The following HGD variants were observed in gnomAD, a reference collection of about 807,000 sequenced individuals.
HGD encodes the protein homogentisate 1,2-dioxygenase.
In HGD, 61 loss-of-function variants were observed where a neutral mutation model predicts 60.8. The ratio of observed to expected loss-of-function variants is 1.00; its 90% CI spans 0.82 to 1.24. The LOEUF is 1.24. HGD is among the 50% of genes most tolerant of loss of function. The pLI is 0.00. For missense variants in HGD, 542 were observed against 547.1 expected (o/e 0.99, Z 0.09); for synonymous variants, 212 against 187.7 (o/e 1.13, Z -1.06).
At chr3:120,635,840 G>C (rs1479787328) in intron 12 of HGD, among the ~76,000 whole-genome samples, 2 of 152,114 alleles carry the variant, frequency 1.3e-5, no homozygotes, top group Non-Finnish European at 2.9e-5. Context: ...AGACCCTATA[G>C]CACAGTAGCA....
At chr3:120,659,966 G>A (rs1462947287) in intron 4 of HGD, among the ~76,000 whole-genome samples, 2 of 151,470 alleles carry the variant, frequency 1.3e-5, no homozygotes, top group African/African-American at 2.4e-5. Context: ...CATAATGGGG[G>A]TGGATTTCTC....
At chr3:120,630,882 A>ACACACACACACACACACAC (rs1553715620) in intron 13 of HGD, among the ~76,000 whole-genome samples, 1 of 147,468 alleles carries the variant, frequency 6.8e-6, no homozygotes, top group Non-Finnish European at 1.5e-5. Flanking sequence ...ACACACAGAT[A>ACACACACACACACACACAC]ATGGAATACT....
intron 3 of HGD, among the ~76,000 whole-genome samples, chr3:120,673,301 G>C (rs1246871799): frequency 6.6e-6 from 1 of 152,164 alleles, no homozygotes; most frequent in Non-Finnish European, 1.5e-5. Context: ...AATGCCAACA[G>C]CTCCTTTTCA....
intron 4 of HGD, among the ~76,000 whole-genome samples, chr3:120,665,468 T>C (rs140299460): frequency 0.029 from 4,384 of 152,324 alleles, 68 homozygotes; most frequent in Middle Eastern, 0.041. Flanking sequence ...TTAAATTGGA[T>C]GTAGATTAGT....
intron 5 of HGD, 43 bp downstream of exon 5, chr3:120,652,549 A>C: frequency 7.0e-7 from 1 of 1,438,402 alleles, no homozygotes; most frequent in Non-Finnish European, 9.8e-7. Flanking sequence ...TCACCACAGA[A>C]GAGAGGAGAG....
intron 4 of HGD, among the ~76,000 whole-genome samples, chr3:120,667,858 C>A (rs1368809551): frequency 6.6e-6 from 1 of 152,040 alleles, no homozygotes; most frequent in East Asian, 1.9e-4. Context: ...TTCTTATAAT[C>A]CCTCATTTAG....
At position 120,644,409 on chromosome 3, in the gene HGD, C is replaced by T. The variant is rs139840318; in HGVS notation, c.684G>A (p.Leu228=). The T allele has an allele frequency of 5.0e-6, 8 of 1,614,128 alleles. No individual in the cohort carries two copies. The highest frequency in any genetic ancestry group is 6.8e-6 in the Non-Finnish European group (8 of 1,180,012). The stretch of plus-strand genomic sequence containing the variant: ...GATCCTCATACCAGGCAATGGGTAT[C>T]AAGAAATCACGAGGATTGGCCAAGC... ...ANGLANPRDF[L]IPIAWYEDRQ... The change falls in exon 10 of 14, where the codon TTG becomes TTA. Residue 228 remains leucine, a synonymous_variant. Coordinates refer to ENST00000283871, the MANE Select transcript of HGD (RefSeq NM_000187.4).
chr3:120,664,501 C>A (rs1707854388), intron 4 of HGD, among the ~76,000 whole-genome samples: 1 of 146,916 alleles, frequency 6.8e-6, no homozygotes, highest in Admixed American at 7.0e-5. Context: ...GAACAGGGCT[C>A]ACCACAGCCC....
chr3:120,647,608 T>C (rs567012281), intron 7 of HGD, among the ~76,000 whole-genome samples: 2 of 152,320 alleles, frequency 1.3e-5, no homozygotes, highest in East Asian at 3.9e-4. Flanking sequence ...TTAGTCTTCA[T>C]TTCTTTTCAG....
rs1363393536 is a variant in HGD, at chr3:120,646,998, T to C, written c.524A>G (p.Gln175Arg). The C allele has an allele frequency of 6.2e-7, 1 of 1,614,076 alleles. No individual in the cohort carries two copies. The highest frequency in any genetic ancestry group is 8.5e-7 in the Non-Finnish European group (1 of 1,179,920). Residue 175 changes from glutamine to arginine, a missense_variant, in exon 8 of 14, where the codon CAG becomes CGG. This residue lies in a region of HGD where 537 missense variants were observed against 529.1 expected (regional missense o/e 1.01). Coordinates refer to ENST00000283871, the MANE Select transcript of HGD (RefSeq NM_000187.4). ...CTGAATGACGCAGATCTCATTGGGC[T>C]GTACAAGCATCTTGCCAAACTCGGT... ...IYTEFGKMLV[Q>R]PNEICVIQRG...
intron 6 of HGD, among the ~76,000 whole-genome samples, chr3:120,649,202 G>T (rs1941258756): frequency 7.0e-6 from 1 of 142,874 alleles, no homozygotes; most frequent in Non-Finnish European, 1.5e-5. Context: ...GAGTGCAATG[G>T]CATGATCTCG....
At chr3:120,652,716 A>G in intron 4 of HGD, 65 bp from the exon 5 acceptor site, 1 of 1,047,792 alleles carries the variant, frequency 9.5e-7, no homozygotes, top group Non-Finnish European at 1.5e-6. Flanking sequence ...CTTCTAAATA[A>G]ATAGCATCAA....
rs120074172 is a variant in HGD, at chr3:120,633,223, T to C, written c.1112A>G (p.His371Arg). ...GGSLHSTMTP[H>R]GPDADCFEKA... ...CTCAAAGCAGTCAGCATCAGGTCCA[T>C]GGGGGGTCATTGTGCTGTGTAGACT... Residue 371 changes from histidine to arginine, a missense_variant, in exon 13 of 14, where the codon CAT (histidine) becomes CGT (arginine). Around this residue, in one of 2 missense-constraint regions of HGD, gnomAD observed 537 missense variants for 529.1 expected, o/e 1.01. Coordinates refer to ENST00000283871, the MANE Select transcript of HGD (RefSeq NM_000187.4). 1.7e-5 allele frequency: 28 copies of C among 1,614,128 alleles called. No homozygotes were observed. In the African/African-American group the frequency reaches 3.2e-4, roughly 18 times the overall value.
At chr3:120,677,953 A>G (rs1708163319) in intron 1 of HGD, 1 of 152,232 alleles carries the variant, frequency 6.6e-6, no homozygotes, top group Non-Finnish European at 1.5e-5. Flanking sequence ...GAGATGTAAC[A>G]AGCCTGGATG....
chr3:120,655,368 A>T (rs1167952073), intron 4 of HGD, among the ~76,000 whole-genome samples: 1 of 152,240 alleles, frequency 6.6e-6, no homozygotes, highest in East Asian at 1.9e-4. Flanking sequence ...CGGAAGAAGC[A>T]ACGACCTTGA....
At chr3:120,667,005 TTATAAG>T (rs1382405724) in intron 4 of HGD, among the ~76,000 whole-genome samples, 3 of 152,174 alleles carry the variant, frequency 2.0e-5, no homozygotes, top group Non-Finnish European at 4.4e-5. Context: ...TTTTGGGTTT[TTATAAG>T]TATATTTTAC....
intron 1 of HGD, among the ~76,000 whole-genome samples, chr3:120,680,555 A>G (rs1427319874): frequency 2.6e-5 from 4 of 152,190 alleles, no homozygotes; most frequent in Admixed American, 6.5e-5. Flanking sequence ...GATGTTTCCA[A>G]CCTCTGCTGA....
chr3:120,632,427 C>G (rs1409230953), intron 13 of HGD, among the ~76,000 whole-genome samples: 2 of 152,236 alleles, frequency 1.3e-5, no homozygotes, highest in Non-Finnish European at 2.9e-5. Context: ...CCGCAGCCAG[C>G]TGCAATTGTG....
intron 4 of HGD, 49 bp from the exon 5 acceptor site, chr3:120,652,700 A>G (rs779308408): frequency 4.7e-6 from 6 of 1,273,352 alleles, no homozygotes; most frequent in Non-Finnish European, 5.7e-6. Flanking sequence ...AGGGTAAACC[A>G]TAGACCTTCT....
Sources: allele counts gnomAD v4.1 joint callset (sites outside exome capture counted in the v4.1 genomes callset), GRCh38; gene constraint gnomAD v4.1.1; regional missense constraint gnomAD v4.1.1; transcripts MANE v1.5; gene names NCBI Gene and HGNC (gene_info 2026-07-23, HGNC 2026-07-21).